Variants in ZNF385D observed in about 807,000 individuals in gnomAD.
ZNF385D encodes zinc finger protein 659.
ZNF385D carries 15 observed loss-of-function variants against 35.8 expected under a neutral mutation model. The ratio of observed to expected loss-of-function variants is 0.42; its 90% CI spans 0.28 to 0.64. ZNF385D has a LOEUF of 0.64. ZNF385D is among the 30% of genes least tolerant of loss of function. ZNF385D has a pLI of 0.23. For synonymous variants in ZNF385D, 212 were observed against 186.8 expected (o/e 1.13, Z -1.10); for missense variants, 474 against 494.6 (o/e 0.96, Z 0.39).
chr3:21,947,567 G>C (rs973744632), intron 3 of ZNF385D, among the ~76,000 whole-genome samples: 1 of 152,092 alleles, frequency 6.6e-6, no homozygotes, highest in South Asian at 2.1e-4. Context: ...GGCCAGTCTG[G>C]TCTCGAACTC....
At chr3:21,793,170 G>T (rs1017701031) in intron 3 of ZNF385D, among the ~76,000 whole-genome samples, 1 of 152,170 alleles carries the variant, frequency 6.6e-6, no homozygotes, top group African/African-American at 2.4e-5. Context: ...CAAATGAGGA[G>T]TTGAAAGAAT....
chr3:21,446,954 T>G (rs7643842), intron 4 of ZNF385D, among the ~76,000 whole-genome samples: 1 of 151,928 alleles, frequency 6.6e-6, no homozygotes, highest in Non-Finnish European at 1.5e-5. Flanking sequence ...AACTTTTCTC[T>G]CCCTAAATTA....
chr3:22,345,392 C>T (rs66609613), intron 2 of ZNF385D, among the ~76,000 whole-genome samples: 12,367 of 152,198 alleles, frequency 0.081, 833 homozygotes, highest in African/African-American at 0.2. Flanking sequence ...CTCATCTCTT[C>T]AAACATAAAG....
At chr3:22,122,848 G>C (rs1419449231) in intron 3 of ZNF385D, among the ~76,000 whole-genome samples, 2 of 152,164 alleles carry the variant, frequency 1.3e-5, no homozygotes, top group African/African-American at 4.8e-5. Context: ...CCCTGATGTA[G>C]AAATCAAGCT....
intron 3 of ZNF385D, among the ~76,000 whole-genome samples, chr3:22,096,677 C>T (rs571734699): frequency 6.6e-6 from 1 of 152,188 alleles, no homozygotes; most frequent in South Asian, 2.1e-4. Context: ...TGCACAATCT[C>T]TTTGTGATGC....
chr3:21,920,409 T>G (rs1032723536), intron 3 of ZNF385D, among the ~76,000 whole-genome samples: 3 of 152,214 alleles, frequency 2.0e-5, no homozygotes, highest in Admixed American at 6.5e-5. Flanking sequence ...TTGAATATGT[T>G]ACATTTTATT....
intron 3 of ZNF385D, among the ~76,000 whole-genome samples, chr3:21,815,842 C>T (rs759497938): frequency 2.8e-4 from 43 of 152,134 alleles, no homozygotes; most frequent in Admixed American, 2.0e-3. Context: ...AGGCCAGCAT[C>T]ATTCTGATAC....
chr3:21,832,648 C>G (rs1695070344), intron 3 of ZNF385D, among the ~76,000 whole-genome samples: 1 of 152,166 alleles, frequency 6.6e-6, no homozygotes, highest in Non-Finnish European at 1.5e-5. Context: ...ATTCTTGGAT[C>G]AGTTCAATGA....
intron 3 of ZNF385D, among the ~76,000 whole-genome samples, chr3:21,964,508 G>C (rs1257779789): frequency 1.9e-4 from 16 of 83,812 alleles, no homozygotes; most frequent in African/African-American, 6.9e-4. Flanking sequence ...TTTTTTTTCT[G>C]AGACGGAGTC....
At chr3:21,765,776 G>C (rs1040720125) in intron 3 of ZNF385D, among the ~76,000 whole-genome samples, 3 of 151,648 alleles carry the variant, frequency 2.0e-5, no homozygotes, top group African/African-American at 7.3e-5. Context: ...TGGAGAGAAA[G>C]ACAGAAAGGA....
At chr3:22,017,466 T>G (rs1440446563) in intron 3 of ZNF385D, among the ~76,000 whole-genome samples, 1 of 152,068 alleles carries the variant, frequency 6.6e-6, no homozygotes, top group Non-Finnish European at 1.5e-5. Context: ...TATTATTTTT[T>G]GTTTCTTATT....
intron 3 of ZNF385D, among the ~76,000 whole-genome samples, chr3:22,041,191 T>C (rs1054853214): frequency 6.6e-6 from 1 of 152,042 alleles, no homozygotes. Flanking sequence ...CTGGTTCAAG[T>C]CTAGTTGAAG....
At chr3:22,208,838 A>C (rs567088625) in intron 2 of ZNF385D, among the ~76,000 whole-genome samples, 202 of 152,012 alleles carry the variant, frequency 1.3e-3, no homozygotes, top group Middle Eastern at 3.4e-3. Flanking sequence ...AAAACTAAAG[A>C]GAGAATAGAA....
At chr3:22,087,083 G>A (rs1345940549) in intron 3 of ZNF385D, among the ~76,000 whole-genome samples, 2 of 151,816 alleles carry the variant, frequency 1.3e-5, no homozygotes, top group Admixed American at 1.3e-4. Flanking sequence ...ACAATAAAAA[G>A]AAAAAAAGAA....
intron 3 of ZNF385D, among the ~76,000 whole-genome samples, chr3:22,126,980 G>A (rs911141658): frequency 2.6e-5 from 4 of 152,126 alleles, no homozygotes; most frequent in African/African-American, 9.6e-5. Flanking sequence ...TCTATCTGAT[G>A]CAAGTATAGT....
At chr3:21,957,713 T>A (rs1331216714) in intron 3 of ZNF385D, among the ~76,000 whole-genome samples, 1 of 152,124 alleles carries the variant, frequency 6.6e-6, no homozygotes, top group African/African-American at 2.4e-5. Context: ...CTTATTTCCA[T>A]CCCATTTTCT....
intron 2 of ZNF385D, among the ~76,000 whole-genome samples, chr3:22,276,270 T>C (rs952646169): frequency 1.3e-5 from 2 of 152,118 alleles, no homozygotes; most frequent in Non-Finnish European, 2.9e-5. Context: ...TCAGAATATG[T>C]ATGATAAAGA....
intron 3 of ZNF385D, among the ~76,000 whole-genome samples, chr3:21,550,800 C>T (rs1028999060): frequency 3.3e-5 from 5 of 152,182 alleles, no homozygotes; most frequent in Admixed American, 2.6e-4. Flanking sequence ...TTTATAATAC[C>T]ATTAGAAAAT....
chr3:21,634,198 A>G (rs536522803), intron 2 of ZNF385D, among the ~76,000 whole-genome samples: 3 of 151,876 alleles, frequency 2.0e-5, no homozygotes, highest in African/African-American at 7.2e-5. Flanking sequence ...ACCTGTCTCA[A>G]AAAAATAGAA....
Sources: gnomAD v4.1 joint callset for allele counts (sites outside exome capture counted in the v4.1 genomes callset) on GRCh38, gnomAD v4.1.1 for gene constraint, MANE v1.5 for transcripts, NCBI Gene and HGNC (gene_info 2026-07-23, HGNC 2026-07-21) for gene names.